The following SERINC5 variants were observed in gnomAD, a reference collection of about 807,000 sequenced individuals.
The protein encoded by SERINC5 is chromosome 5 open reading frame 12.
Under a neutral mutation model 63.1 loss-of-function variants are expected in SERINC5, and 41 were observed. The ratio of observed to expected loss-of-function variants is 0.65; its 90% CI spans 0.51 to 0.84. The LOEUF (loss-of-function observed/expected upper bound fraction) is 0.84. Among genes scored for constraint, SERINC5 ranks in the 40% least tolerant of loss-of-function variants. The pLI is 0.00. For synonymous variants in SERINC5, 222 were observed against 215.2 expected (o/e 1.03, Z -0.28); for missense variants, 523 against 573.0 (o/e 0.91, Z 0.89).
rs4704618 is a variant in SERINC5, at chr5:80,141,506, G to A, written c.*2157C>T. 0.57 allele frequency: 556,679 copies of A among 985,234 alleles called. 157,845 individuals carry two copies. The highest frequency in any genetic ancestry group is 0.65 in the African/African-American group (37,275 of 57,278). The allele number at this position is 985,234 out of a possible 1,614,324, so 61.0% of individuals were successfully genotyped here. A position where few individuals can be genotyped will look rare whatever the true frequency, so the allele number is the denominator to read the frequency against. On this transcript the variant is annotated 3_prime_UTR_variant, in exon 12 of 12. Coordinates refer to ENST00000507668, the MANE Select transcript of SERINC5 (RefSeq NM_001174072.3). The stretch of plus-strand genomic sequence containing the variant: ...AGCTGGCAGCCAGACCCAGCCGAGA[G>A]GACAAAGCAAGGGCTCTGCTAGACC...
At chr5:80,159,359 T>C (rs1349337687) in intron 7 of SERINC5, among the ~76,000 whole-genome samples, 1 of 152,072 alleles carries the variant, frequency 6.6e-6, no homozygotes, top group South Asian at 2.1e-4. Flanking sequence ...CCTAAACTAG[T>C]TGAGAAGTCA....
Position 80,248,801 on chromosome 5 carries a change from G to A in SERINC5, c.27+7095C>T, listed in dbSNP as rs1485191878. 5.3e-5 allele frequency among the ~76,000 whole-genome samples: 8 copies of A among 152,328 alleles called. No individual in the cohort carries two copies. In the South Asian group the frequency reaches 1.5e-3, roughly 28 times the overall value. ...AAAACAGTGACTCAACCACCATTTG[G>A]ACAGACGTTATCTGTGAAAGTAATT... On this transcript the variant is annotated intron_variant, in intron 1 of 11. Transcript: ENST00000507668.
At chr5:80,218,195 A>G (rs535008619) in intron 1 of SERINC5, among the ~76,000 whole-genome samples, 20 of 152,326 alleles carry the variant, frequency 1.3e-4, no homozygotes, top group Non-Finnish European at 2.4e-4. Context: ...CCCTCATGAC[A>G]GTTAAAACGA....
At chr5:80,186,126 G>GAAAAAA (rs10554934) in intron 2 of SERINC5, among the ~76,000 whole-genome samples, 1 of 61,406 alleles carries the variant, frequency 1.6e-5, no homozygotes, top group Non-Finnish European at 3.2e-5. Context: ...TTCTTGTTTT[G>GAAAAAA]AAAAAAAAAA....
chr5:80,144,165 G>A (rs1052963061), intron 11 of SERINC5, among the ~76,000 whole-genome samples: 2 of 152,210 alleles, frequency 1.3e-5, no homozygotes, highest in African/African-American at 2.4e-5. Context: ...GCTCAGCCAC[G>A]CGGCAGCATG....
intron 2 of SERINC5, among the ~76,000 whole-genome samples, chr5:80,201,387 GCTCT>G (rs1036204829): frequency 2.0e-5 from 3 of 152,204 alleles, no homozygotes; most frequent in Non-Finnish European, 1.5e-5. Flanking sequence ...CACGCCTGCT[GCTCT>G]CTCTTCCTGG....
chr5:80,171,328 T>A (rs559201642), intron 5 of SERINC5, among the ~76,000 whole-genome samples: 1 of 152,186 alleles, frequency 6.6e-6, no homozygotes, highest in South Asian at 2.1e-4. Context: ...ATAATAATAA[T>A]AAATAAACTT....
intron 1 of SERINC5, among the ~76,000 whole-genome samples, chr5:80,249,612 A>G (rs1580223280): frequency 6.6e-6 from 1 of 151,988 alleles, no homozygotes; most frequent in African/African-American, 2.4e-5. Context: ...AGACCAGCCT[A>G]GCCAACATGG....
intron 6 of SERINC5, 138 bp downstream of exon 6, chr5:80,169,197 C>G: frequency 1.5e-6 from 1 of 674,044 alleles, no homozygotes. Context: ...CCCACCTTGC[C>G]TACTGCTGAC....
rs536731166 is a variant in SERINC5 at position 80,206,906 on chromosome 5, T to C, written c.28-3853A>G. On this transcript the variant is annotated intron_variant, in intron 1 of 11. Coordinates refer to ENST00000507668, the MANE Select transcript of SERINC5 (RefSeq NM_001174072.3). ...TCAAGTAATGCTCCTGCCTCAGCCTTAGCTGGGACTACAAGCACAGGACAC... is the reference window on the plus strand; with the variant it reads ...TCAAGTAATGCTCCTGCCTCAGCCTCAGCTGGGACTACAAGCACAGGACAC... Among the ~76,000 whole-genome samples, 49 of 150,572 alleles carry C rather than the reference T, an allele frequency of 3.3e-4. No individual in the cohort carries two copies. The Middle Eastern group carries it at 0.01, about 32-fold the overall frequency.
downstream of SERINC5, among the ~76,000 whole-genome samples, chr5:80,136,417 AAC>A (rs1745179287): frequency 6.6e-6 from 1 of 152,250 alleles, no homozygotes; most frequent in African/African-American, 2.4e-5. Context: ...TTATATTCTC[AAC>A]AATTAGCACA....
chr5:80,143,616 A>C lies in SERINC5; in HGVS notation c.*47T>G. ...CCGGGGACACTGTTCAAAAGATGGC[A>C]CTTTCCAGGCTGTAGGCCCACAAAG... On this transcript the variant is annotated 3_prime_UTR_variant, in exon 12 of 12. Coordinates refer to ENST00000507668, the MANE Select transcript of SERINC5 (RefSeq NM_001174072.3). 6.6e-7 allele frequency: 1 copy of C among 1,524,888 alleles called. No individual in the cohort carries two copies. The highest frequency in any genetic ancestry group is 8.8e-7 in the Non-Finnish European group (1 of 1,138,648). The allele number at this position is 1,524,888 out of a possible 1,614,324, so 94.5% of individuals were successfully genotyped here.
At chr5:80,215,094 C>G (rs763211873) in intron 1 of SERINC5, among the ~76,000 whole-genome samples, 70 of 152,156 alleles carry the variant, frequency 4.6e-4, no homozygotes, top group Non-Finnish European at 8.8e-4. Context: ...TGTCCCCACC[C>G]AAAGCTCATG....
chr5:80,166,432 A>G lies in SERINC5; in HGVS notation c.810T>C (p.Tyr270=). The part of the protein sequence containing the change: ...GLLQSGVISC[Y]VTYLTFSALS... Reference sequence around the variant, plus strand: ...GAGCTGAGAAGGTGAGGTAGGTGACATAGCAGCTTATGACCCCTGATTGTA... The same window carrying G: ...GAGCTGAGAAGGTGAGGTAGGTGACGTAGCAGCTTATGACCCCTGATTGTA... Residue 270 remains tyrosine, a synonymous_variant, in exon 7 of 12, where the codon TAT becomes TAC. Coordinates refer to ENST00000507668, the MANE Select transcript of SERINC5 (RefSeq NM_001174072.3). 1 of 1,596,278 alleles carries G rather than the reference A, an allele frequency of 6.3e-7. No homozygotes were observed. The highest frequency in any genetic ancestry group is 8.5e-7 in the Non-Finnish European group (1 of 1,171,260).
At chr5:80,201,318 T>C (rs978221926) in intron 2 of SERINC5, among the ~76,000 whole-genome samples, 3 of 152,112 alleles carry the variant, frequency 2.0e-5, no homozygotes, top group African/African-American at 7.2e-5. Context: ...GGAAATGGCA[T>C]TTGGATAGCA....
At chr5:80,149,484 A>G (rs1158144725) in intron 9 of SERINC5, among the ~76,000 whole-genome samples, 3 of 152,172 alleles carry the variant, frequency 2.0e-5, no homozygotes, top group African/African-American at 7.2e-5. Flanking sequence ...CCATATCTAG[A>G]CAGACACCAG....
rs568775851 is a variant in SERINC5 at position 80,220,303 on chromosome 5, A to G, written c.28-17250T>C. On this transcript the variant is annotated intron_variant, in intron 1 of 11. Transcript: ENST00000507668. ...TGTTCCCTCTACTTTTTAAAATTAC[A>G]AGGCAGAAGTCTTCTATCAGCCCTA... Among the ~76,000 whole-genome samples, 5 of 152,254 alleles carry G rather than the reference A, an allele frequency of 3.3e-5. 1 individual carries two copies. The highest frequency in any genetic ancestry group is 7.2e-5 in the African/African-American group (3 of 41,560).
At chr5:80,251,279 A>AATACATACATAC (rs762762605) in intron 1 of SERINC5, among the ~76,000 whole-genome samples, 1 of 133,766 alleles carries the variant, frequency 7.5e-6, no homozygotes, top group Non-Finnish European at 1.6e-5. Context: ...CCCATCTTTA[A>AATACATACATAC]ATACATACAT....
chr5:80,222,549 G>GGCGAGTAT (rs1750955421), intron 1 of SERINC5, among the ~76,000 whole-genome samples: 1 of 128,340 alleles, frequency 7.8e-6, no homozygotes, highest in Admixed American at 8.6e-5. Context: ...GTTTTTTGTG[G>GGCGAGTAT]GTGAGTGTGT....
Sources: gnomAD v4.1 joint callset for allele counts (sites outside exome capture counted in the v4.1 genomes callset) on GRCh38, gnomAD v4.1.1 for gene constraint, MANE v1.5 for transcripts, NCBI Gene and HGNC (gene_info 2026-07-23, HGNC 2026-07-21) for gene names.